Variants in DLGAP1 observed in about 807,000 individuals in gnomAD.
The protein encoded by DLGAP1 is disks large-associated protein 1.
Under a neutral mutation model 90.8 loss-of-function variants are expected in DLGAP1, and 11 were observed. That is an observed-to-expected ratio of 0.12 (90% CI 0.08 to 0.20). The LOEUF (loss-of-function observed/expected upper bound fraction) is 0.20. Among genes scored for constraint, DLGAP1 ranks in the 10% least tolerant of loss-of-function variants. The pLI is 1.00. For synonymous variants in DLGAP1, 558 were observed against 540.7 expected (o/e 1.03, Z -0.44); for missense variants, 1,050 against 1,333.8 (o/e 0.79, Z 3.31).
At chr18:3,789,002 C>T (rs889260272) in intron 5 of DLGAP1, among the ~76,000 whole-genome samples, 2 of 152,206 alleles carry the variant, frequency 1.3e-5, no homozygotes, top group South Asian at 2.1e-4. Context: ...ATCATTTATA[C>T]ATTTATCGAT....
Position 3,870,609 on chromosome 18 carries a change from T to TATC in DLGAP1, c.957+8500_957+8502dup, listed in dbSNP as rs559828209. On this transcript the variant is annotated intron_variant, in intron 4 of 12. Coordinates refer to ENST00000315677, the MANE Select transcript of DLGAP1 (RefSeq NM_004746.4). ...TACATATTTTATACATAAATACATC[T>TATC]ATCTATCTATCTATCTATCTATCTA... is the stretch of plus-strand genomic sequence containing the variant. Among the ~76,000 whole-genome samples the TATC allele has an allele frequency of 6.4e-3, 536 of 83,206 alleles. 3 individuals carry two copies. Among genetic ancestry groups the TATC allele is most frequent in the African/African-American group, 0.017 (464 of 27,048 alleles). The allele number at this position is 83,206 out of a possible 152,430, so 54.6% of individuals were successfully genotyped here.
At chr18:4,086,761 ATAT>A (rs2075687213) in intron 2 of DLGAP1, among the ~76,000 whole-genome samples, 1 of 151,742 alleles carries the variant, frequency 6.6e-6, no homozygotes, top group African/African-American at 2.4e-5. Context: ...AAAAGAATGT[ATAT>A]TCTTTTTAAG....
chr18:4,396,330 T>C (rs1450456987), intron 1 of DLGAP1, among the ~76,000 whole-genome samples: 3 of 152,130 alleles, frequency 2.0e-5, no homozygotes, highest in Non-Finnish European at 4.4e-5. Context: ...AAATCCAGCA[T>C]AGAATTCCAC....
chr18:4,281,014 C>A (rs1348143510), intron 1 of DLGAP1: 1 of 152,148 alleles, frequency 6.6e-6, no homozygotes, highest in Non-Finnish European at 1.5e-5. Context: ...CTTGAGATAT[C>A]CTATGAGAAA....
chr18:3,740,663 A>C (rs1406339481), intron 6 of DLGAP1, among the ~76,000 whole-genome samples: 3 of 152,006 alleles, frequency 2.0e-5, no homozygotes, highest in South Asian at 2.1e-4. Context: ...TTTTCTGAAT[A>C]CCTTGTTTTC....
chr18:3,613,514 A>C (rs185602320), intron 7 of DLGAP1, among the ~76,000 whole-genome samples: 2 of 151,618 alleles, frequency 1.3e-5, no homozygotes, highest in African/African-American at 4.8e-5. Flanking sequence ...TTAATTTTGA[A>C]TTTTGCAGAG....
chr18:4,432,589 A>AGTGTAT (rs1491299097), intron 1 of DLGAP1, among the ~76,000 whole-genome samples: 1 of 111,394 alleles, frequency 9.0e-6, no homozygotes, highest in Non-Finnish European at 2.1e-5. Context: ...CACCTCACAT[A>AGTGTAT]GTGTGTGTGT....
intron 2 of DLGAP1, among the ~76,000 whole-genome samples, chr18:4,122,511 C>T (rs2076168793): frequency 6.6e-6 from 1 of 152,184 alleles, no homozygotes. Flanking sequence ...GGTCTAACCT[C>T]AAGCTGGCAA....
At chr18:4,287,546 A>T (rs950358078) in intron 1 of DLGAP1, among the ~76,000 whole-genome samples, 1 of 152,190 alleles carries the variant, frequency 6.6e-6, no homozygotes, top group Non-Finnish European at 1.5e-5. Flanking sequence ...CTTTGCAGGG[A>T]CGTGGATGAA....
At chr18:4,050,410 C>T (rs1041681643) in intron 2 of DLGAP1, among the ~76,000 whole-genome samples, 4 of 152,278 alleles carry the variant, frequency 2.6e-5, no homozygotes, top group South Asian at 4.1e-4. Flanking sequence ...TCAGAGCATA[C>T]CTGTGAGGTA....
rs142558113 is a variant in DLGAP1, at chr18:3,834,477, G to C, written c.958-20204C>G. Among the ~76,000 whole-genome samples the C allele has an allele frequency of 3.4e-3, 524 of 152,230 alleles. 6 individuals are homozygous for C. The highest frequency in any genetic ancestry group is 0.034 in the East Asian group (177 of 5,180). On this transcript the variant is annotated intron_variant, in intron 4 of 12. Coordinates refer to ENST00000315677, the MANE Select transcript of DLGAP1 (RefSeq NM_004746.4). ...GTACAAAGTAGCTTCATTAAAGAAA[G>C]AGTTTTGATTTGATTCAATCCTGTG...
chr18:3,952,523 T>C (rs1326542262), intron 3 of DLGAP1, among the ~76,000 whole-genome samples: 1 of 152,200 alleles, frequency 6.6e-6, no homozygotes. Context: ...GTGAACTGGT[T>C]GATCATGGCC....
At chr18:3,642,601 C>A (rs1343332288) in intron 7 of DLGAP1, among the ~76,000 whole-genome samples, 1 of 152,152 alleles carries the variant, frequency 6.6e-6, no homozygotes, top group Non-Finnish European at 1.5e-5. Flanking sequence ...CTTTTCCATG[C>A]CTTTTTTGGT....
At chr18:3,615,220 C>A (rs1339964641) in intron 7 of DLGAP1, among the ~76,000 whole-genome samples, 2 of 152,128 alleles carry the variant, frequency 1.3e-5, no homozygotes, top group Non-Finnish European at 1.5e-5. Context: ...CTGTGCCCAG[C>A]AGACAAAATA....
chr18:3,986,958 G>A (rs950740858), intron 3 of DLGAP1, among the ~76,000 whole-genome samples: 1 of 152,158 alleles, frequency 6.6e-6, no homozygotes, highest in African/African-American at 2.4e-5. Context: ...GTTAATGCTC[G>A]ACACAGGACG....
intron 7 of DLGAP1, among the ~76,000 whole-genome samples, chr18:3,683,041 G>C (rs1479631135): frequency 6.6e-6 from 1 of 151,934 alleles, no homozygotes; most frequent in African/African-American, 2.4e-5. Context: ...ATTTTTAGTA[G>C]AGTTGGGGGT....
chr18:3,972,209 T>TA (rs11285960), intron 3 of DLGAP1, among the ~76,000 whole-genome samples: 23 of 151,638 alleles, frequency 1.5e-4, no homozygotes, highest in African/African-American at 2.9e-4. Flanking sequence ...AAGGCCTATA[T>TA]AAAAAAAAAT....
intron 7 of DLGAP1, among the ~76,000 whole-genome samples, chr18:3,618,345 T>A (rs2057956638): frequency 6.6e-6 from 1 of 152,136 alleles, no homozygotes; most frequent in African/African-American, 2.4e-5. Context: ...GACTTCCGTA[T>A]CAAAGCCATG....
chr18:3,917,461 G>T (rs1342553283), intron 3 of DLGAP1, among the ~76,000 whole-genome samples: 1 of 152,144 alleles, frequency 6.6e-6, no homozygotes, highest in Non-Finnish European at 1.5e-5. Context: ...TCAGTTTGTT[G>T]TTACCTATGT....
Sources: allele counts gnomAD v4.1 joint callset (sites outside exome capture counted in the v4.1 genomes callset), GRCh38; gene constraint gnomAD v4.1.1; transcripts MANE v1.5; gene names NCBI Gene and HGNC (gene_info 2026-07-23, HGNC 2026-07-21).